Variants in HERC4 observed in about 807,000 individuals in gnomAD.
The protein encoded by HERC4 is HECT and RLD domain containing E3 ubiquitin protein ligase 4, also known as probable E3 ubiquitin-protein ligase HERC4.
A neutral mutation model predicts 124.3 loss-of-function variants in HERC4; 28 were observed. That is an observed-to-expected ratio of 0.23 (90% confidence interval 0.17 to 0.31). HERC4 has a LOEUF of 0.31. HERC4 is among the 10% of genes least tolerant of loss of function. The probability of loss-of-function intolerance (pLI) is 1.00; values close to 1 mark genes in which losing one functional copy is unlikely to be tolerated. For missense variants in HERC4, 713 were observed against 1,229.3 expected (o/e 0.58, Z 6.28); for synonymous variants, 407 against 421.5 (o/e 0.97, Z 0.42).
intron 5 of HERC4, 118 bp downstream of exon 5, chr10:68,037,974 AG>A (rs1200927710): frequency 9.8e-6 from 6 of 610,664 alleles, no homozygotes; most frequent in Non-Finnish European, 1.7e-5. Flanking sequence ...GGAAATGAAA[AG>A]GATCAAGAAC....
At chr10:67,969,492 G>T (rs2035098839) in intron 15 of HERC4, among the ~76,000 whole-genome samples, 1 of 152,078 alleles carries the variant, frequency 6.6e-6, no homozygotes, top group South Asian at 2.1e-4. Context: ...AAACAAGGCA[G>T]AATATCAAGA....
At chr10:67,989,555 A>G (rs188263617) in intron 14 of HERC4, among the ~76,000 whole-genome samples, 2 of 152,120 alleles carry the variant, frequency 1.3e-5, no homozygotes, top group African/African-American at 2.4e-5. Context: ...TTGTACTGAC[A>G]TTATTACTTC....
intron 7 of HERC4, among the ~76,000 whole-genome samples, chr10:68,030,433 C>T (rs1352247526): frequency 3.3e-5 from 5 of 152,128 alleles, no homozygotes; most frequent in African/African-American, 7.2e-5. Context: ...AGAGTGAGAC[C>T]GTGTCCAAAA....
rs962936463 is a variant in HERC4, at chr10:68,000,493, C to T, written c.1070-7811G>A. Reference sequence around the variant, plus strand: ...ACTCAGGAGGCTGAGGTGGGAGGATCGCTTGAGTCTGGGAGGTGGAGGCTG... The same window carrying T: ...ACTCAGGAGGCTGAGGTGGGAGGATTGCTTGAGTCTGGGAGGTGGAGGCTG... On this transcript the variant is annotated intron_variant, in intron 9 of 24. Transcript: ENST00000373700. 2.6e-5 allele frequency among the ~76,000 whole-genome samples: 4 copies of T among 151,538 alleles called. No individual in the cohort carries two copies. The East Asian group carries it at 5.8e-4, about 22-fold the overall frequency.
chr10:68,015,925 A>G (rs549182020), intron 8 of HERC4, among the ~76,000 whole-genome samples: 1 of 152,290 alleles, frequency 6.6e-6, no homozygotes, highest in Non-Finnish European at 1.5e-5. Context: ...AAACATGGCA[A>G]AACCCTGTCT....
At chr10:68,039,736 T>TA (rs1430854325) in intron 4 of HERC4, 5 of 1,292,446 alleles carry the variant, frequency 3.9e-6, no homozygotes, top group East Asian at 3.3e-5. Context: ...GAGTAAGGAA[T>TA]AAAAAATACA....
At chr10:68,049,592 A>G (rs2040187069) in intron 3 of HERC4, among the ~76,000 whole-genome samples, 1 of 145,928 alleles carries the variant, frequency 6.9e-6, no homozygotes, top group Non-Finnish European at 1.5e-5. Flanking sequence ...CACTGCCACA[A>G]AAAAAAAAAA....
intron 19 of HERC4, among the ~76,000 whole-genome samples, chr10:67,942,575 G>A (rs1174845792): frequency 6.6e-6 from 1 of 152,016 alleles, no homozygotes; most frequent in Non-Finnish European, 1.5e-5. Context: ...GCAATGACGC[G>A]ATCTTGGCTC....
At chr10:68,062,936 T>G (rs564540589) in intron 3 of HERC4, among the ~76,000 whole-genome samples, 17 of 152,210 alleles carry the variant, frequency 1.1e-4, no homozygotes, top group Middle Eastern at 3.4e-3. Flanking sequence ...ATTTCTACAA[T>G]CTGACCTCAA....
intron 3 of HERC4, among the ~76,000 whole-genome samples, chr10:68,061,055 G>T (rs955219887): frequency 6.6e-6 from 1 of 151,958 alleles, no homozygotes; most frequent in Non-Finnish European, 1.5e-5. Context: ...TCCCCACACC[G>T]TTTCCCTTTC....
chr10:68,030,307 C>T (rs12254861), intron 7 of HERC4, among the ~76,000 whole-genome samples: 10,089 of 151,648 alleles, frequency 0.067, 1,168 homozygotes, highest in African/African-American at 0.23. Flanking sequence ...CGGGTGTGAT[C>T]GTGCATGCCT....
intron 23 of HERC4, among the ~76,000 whole-genome samples, chr10:67,931,410 T>C (rs2031791549): frequency 6.6e-6 from 1 of 152,212 alleles, no homozygotes; most frequent in South Asian, 2.1e-4. Context: ...CATTTCATGA[T>C]GGTTTTCCTA....
intron 19 of HERC4, among the ~76,000 whole-genome samples, chr10:67,947,406 C>G (rs764241113): frequency 6.6e-6 from 1 of 152,132 alleles, no homozygotes; most frequent in East Asian, 1.9e-4. Flanking sequence ...CAAGAAGATA[C>G]AACAATTACA....
chr10:67,937,580 G>A (rs548309975), intron 21 of HERC4, among the ~76,000 whole-genome samples: 4 of 151,462 alleles, frequency 2.6e-5, no homozygotes, highest in East Asian at 1.9e-4. Flanking sequence ...ATAGAAAATC[G>A]TTTTTGTTTT....
chr10:68,056,951 C>T (rs1224723782), intron 3 of HERC4, among the ~76,000 whole-genome samples: 1 of 152,090 alleles, frequency 6.6e-6, no homozygotes, highest in African/African-American at 2.4e-5. Flanking sequence ...AGGTCTGAAC[C>T]CAAGTAAGTG....
intron 19 of HERC4, among the ~76,000 whole-genome samples, chr10:67,950,035 C>A (rs1049901321): frequency 6.6e-6 from 1 of 150,632 alleles, no homozygotes; most frequent in African/African-American, 2.4e-5. Flanking sequence ...AAACAAAAAA[C>A]AAAACAAAAA....
intron 15 of HERC4, among the ~76,000 whole-genome samples, chr10:67,974,465 A>G (rs185288636): frequency 7.9e-5 from 12 of 152,344 alleles, no homozygotes; most frequent in Admixed American, 7.8e-4. Flanking sequence ...AAAACTAAGG[A>G]ATATCTGAAA....
Position 67,929,819 on chromosome 10 carries a change from A to ATTT in HERC4, c.2838+2775_2838+2777dup, listed in dbSNP as rs561065364. On this transcript the variant is annotated intron_variant, in intron 23 of 24. Transcript: ENST00000373700. ...TGTGAGACACCACACCCAGCTGTGC[A>ATTT]TTTTTTTTTTGAGATGGAGTTTCAC... Among the ~76,000 whole-genome samples the ATTT allele has an allele frequency of 6.3e-5, 9 of 143,320 alleles. No homozygotes were observed. In the East Asian group the frequency reaches 1.6e-3, roughly 26 times the overall value. The allele number at this position is 143,320 out of a possible 152,430, so 94.0% of individuals were successfully genotyped here.
chr10:67,946,048 T>C (rs1276243308), intron 19 of HERC4, among the ~76,000 whole-genome samples: 1 of 151,846 alleles, frequency 6.6e-6, no homozygotes, highest in African/African-American at 2.4e-5. Context: ...AGCCCAGGAA[T>C]TTGAGACCAG....
Sources: gnomAD v4.1 joint callset for allele counts (sites outside exome capture counted in the v4.1 genomes callset) on GRCh38, gnomAD v4.1.1 for gene constraint, MANE v1.5 for transcripts, NCBI Gene and HGNC (gene_info 2026-07-23, HGNC 2026-07-21) for gene names.